TPGS2: variants seen among roughly 807,000 people sequenced by gnomAD.
TPGS2 encodes the protein tubulin polyglutamylase complex subunit 2, also known as polyglutamylase subunit 2.
TPGS2 carries 26 observed loss-of-function variants against 31.1 expected under a neutral mutation model. The ratio of observed to expected loss-of-function variants is 0.84; its 90% CI spans 0.61 to 1.16. TPGS2 has a LOEUF of 1.16. Among genes scored for constraint, TPGS2 ranks in the 50% most tolerant of loss-of-function variants. The probability of loss-of-function intolerance (pLI) is 0.00; values close to 1 mark genes in which losing one functional copy is unlikely to be tolerated. For missense variants in TPGS2, 351 were observed against 363.8 expected (o/e 0.96, Z 0.29); for synonymous variants, 130 against 136.6 (o/e 0.95, Z 0.34).
intron 2 of TPGS2, among the ~76,000 whole-genome samples, chr18:36,813,830 AG>A: frequency 6.6e-6 from 1 of 152,342 alleles, no homozygotes; most frequent in Middle Eastern, 3.4e-3. Flanking sequence ...GCTAGAGAGA[AG>A]GGTTGACTGG....
intron 5 of TPGS2, among the ~76,000 whole-genome samples, chr18:36,799,225 C>G (rs1207588434): frequency 1.3e-5 from 2 of 152,148 alleles, no homozygotes; most frequent in Non-Finnish European, 2.9e-5. Flanking sequence ...CATCCAGTCT[C>G]TTTCTTTGCC....
At chr18:36,793,313 T>C (rs796973652), downstream of TPGS2, among the ~76,000 whole-genome samples, 23 of 152,300 alleles carry the variant, frequency 1.5e-4, no homozygotes, top group African/African-American at 4.1e-4. Flanking sequence ...GAGAACTCCA[T>C]TGGACCCATG....
intron 2 of TPGS2, among the ~76,000 whole-genome samples, chr18:36,815,771 CA>C (rs2045626802): frequency 6.6e-6 from 1 of 152,154 alleles, no homozygotes; most frequent in African/African-American, 2.4e-5. Context: ...CCCGACATGC[CA>C]AACTCAGGTG....
intron 2 of TPGS2, among the ~76,000 whole-genome samples, chr18:36,808,834 A>G (rs2045290794): frequency 6.6e-6 from 1 of 152,166 alleles, no homozygotes; most frequent in African/African-American, 2.4e-5. Flanking sequence ...CAAGCCCTAC[A>G]TTCTAAGTAA....
intron 6 of TPGS2, among the ~76,000 whole-genome samples, chr18:36,787,415 C>T (rs2150525347): frequency 6.6e-6 from 1 of 152,318 alleles, no homozygotes; most frequent in East Asian, 1.9e-4. Flanking sequence ...AGAGCGATCC[C>T]ACTGGGGAAC....
At position 36,784,552 on chromosome 18, in the gene TPGS2, T is replaced by G. The variant is rs569948708; in HGVS notation, c.658-1421A>C. Among the ~76,000 whole-genome samples, 53 of 152,320 alleles carry G rather than the reference T, an allele frequency of 3.5e-4. No homozygotes were observed. In the South Asian group the frequency reaches 8.3e-3, roughly 24 times the overall value. ...CCATTCAGTTTGTCAAAAAAGGTGGTCTATTTGGTAGAAAAATCAGTTGTG... is the reference window on the plus strand; with the variant it reads ...CCATTCAGTTTGTCAAAAAAGGTGGGCTATTTGGTAGAAAAATCAGTTGTG... On this transcript the variant is annotated intron_variant, in intron 6 of 6. Transcript: ENST00000587129.
intron 1 of TPGS2, among the ~76,000 whole-genome samples, chr18:36,822,392 C>G (rs2045934310): frequency 6.6e-6 from 1 of 152,174 alleles, no homozygotes; most frequent in African/African-American, 2.4e-5. Context: ...ATACTTGGGA[C>G]TAAAACTGTT....
chr18:36,806,420 CTG>C (rs1179552721), intron 3 of TPGS2, among the ~76,000 whole-genome samples: 5 of 152,148 alleles, frequency 3.3e-5, no homozygotes, highest in Non-Finnish European at 7.3e-5. Flanking sequence ...TGTCCCCTCT[CTG>C]TTGCTCCAGA....
chr18:36,807,137 G>A (rs1013818386), intron 3 of TPGS2, among the ~76,000 whole-genome samples: 1 of 152,084 alleles, frequency 6.6e-6, no homozygotes, highest in Non-Finnish European at 1.5e-5. Context: ...AGGGGCTGGG[G>A]AATCTGTGCC....
Position 36,806,899 on chromosome 18 carries a change from T to C in TPGS2, c.253+948A>G, listed in dbSNP as rs1005019753. 6.9e-5 allele frequency among the ~76,000 whole-genome samples: 9 copies of C among 130,818 alleles called. No homozygotes were observed. In the East Asian group the frequency reaches 2.0e-3, roughly 29 times the overall value. 85.8% of individuals were successfully genotyped at this position (130,818 alleles called of 152,430 possible). ...AAAAAAAAGTACCTCTGACCAGCAG[T>C]GCAAGATAGACAGGAAGGCTTTGGA... is the stretch of plus-strand genomic sequence containing the variant. On this transcript the variant is annotated intron_variant, in intron 3 of 6. Coordinates refer to ENST00000334295, the MANE Select transcript of TPGS2 (RefSeq NM_015476.4).
intron 1 of TPGS2, among the ~76,000 whole-genome samples, chr18:36,824,520 C>G (rs2046046870): frequency 6.6e-6 from 1 of 152,192 alleles, no homozygotes; most frequent in South Asian, 2.1e-4. Flanking sequence ...TCTTCATATC[C>G]TCACCAACAA....
At chr18:36,790,982 A>G (rs1278879894), downstream of TPGS2, among the ~76,000 whole-genome samples, 2 of 152,164 alleles carry the variant, frequency 1.3e-5, no homozygotes, top group Non-Finnish European at 2.9e-5. Context: ...TGTAATCCCC[A>G]ATGTTGGAGG....
At chr18:36,791,000 T>C (rs1186649941), downstream of TPGS2, among the ~76,000 whole-genome samples, 5 of 152,158 alleles carry the variant, frequency 3.3e-5, 1 homozygote, top group South Asian at 8.3e-4. Context: ...AGGAGGGGCC[T>C]TGTGGGAGGT....
chr18:36,795,911 G>A lies in TPGS2; in HGVS notation c.*894C>T. On this transcript the variant is annotated 3_prime_UTR_variant, in exon 7 of 7. Transcript: ENST00000334295. ...ACCATTAAAACTCTTTCTTTATGAAGAGTTGTGCAAAACAATGTTTGGGAA... is the reference window on the plus strand; with the variant it reads ...ACCATTAAAACTCTTTCTTTATGAAAAGTTGTGCAAAACAATGTTTGGGAA... The A allele has an allele frequency of 1.0e-6, 1 of 985,432 alleles. No individual in the cohort carries two copies. The allele number at this position is 985,432 out of a possible 1,614,324, so 61.0% of individuals were successfully genotyped here. A position where few individuals can be genotyped will look rare whatever the true frequency, so the allele number is the denominator to read the frequency against.
intron 4 of TPGS2, among the ~76,000 whole-genome samples, chr18:36,801,151 ATCT>A (rs1356996354): frequency 2.0e-5 from 3 of 152,272 alleles, no homozygotes; most frequent in Non-Finnish European, 2.9e-5. Context: ...TGCTACAATA[ATCT>A]TCTCTGTACA....
intron 6 of TPGS2, among the ~76,000 whole-genome samples, chr18:36,788,197 C>CA (rs1293407408): frequency 2.7e-5 from 4 of 150,446 alleles, no homozygotes; most frequent in African/African-American, 9.8e-5. Flanking sequence ...ATTAAGGCCA[C>CA]AGCCATCTAT....
In TPGS2 at chr18:36,794,349, C is replaced by G. The variant is rs770733967; in HGVS notation, c.*2456G>C. The G allele has an allele frequency of 1.0e-6, 1 of 985,352 alleles. No homozygotes were observed. The highest frequency in any genetic ancestry group is 6.1e-5 in the Admixed American group (1 of 16,264). 61.0% of individuals were successfully genotyped at this position (985,352 alleles called of 1,614,324 possible). On this transcript the variant is annotated 3_prime_UTR_variant, in exon 7 of 7. Coordinates refer to ENST00000334295, the MANE Select transcript of TPGS2 (RefSeq NM_015476.4). ...CACTCCTTCTGAGGCAGGTCTTGAG[C>G]CTTTCCTTATCATAACCCCCTTCCT...
chr18:36,827,029 GA>G (rs1469880295), intron 1 of TPGS2, among the ~76,000 whole-genome samples: 2 of 151,900 alleles, frequency 1.3e-5, no homozygotes, highest in African/African-American at 4.8e-5. Context: ...TATATTAATT[GA>G]TTTTTTTTAA....
downstream of TPGS2, chr18:36,782,951 C>T: frequency 2.5e-6 from 1 of 396,426 alleles, no homozygotes; most frequent in Non-Finnish European, 4.4e-6. Flanking sequence ...AGCTCAGTGG[C>T]AGGACAGACA....
Sources: gnomAD v4.1 joint callset for allele counts (sites outside exome capture counted in the v4.1 genomes callset) on GRCh38, gnomAD v4.1.1 for gene constraint, MANE v1.5 for transcripts, NCBI Gene and HGNC (gene_info 2026-07-23, HGNC 2026-07-21) for gene names.